OIT3: variants seen among roughly 807,000 people sequenced by gnomAD.
OIT3 encodes the protein oncoprotein induced transcript 3, also known as oncoprotein-induced transcript 3 protein.
In OIT3, 41 loss-of-function variants were observed where a neutral mutation model predicts 52.2. The observed-to-expected ratio is 0.79, with a 90% CI of 0.61 to 1.02. The LOEUF is 1.02. Ranked by LOEUF, OIT3 falls within the 50% of genes least tolerant of loss-of-function variation. The pLI is 0.00. For missense variants in OIT3, 634 were observed against 715.5 expected (o/e 0.89, Z 1.30); for synonymous variants, 244 against 276.9 (o/e 0.88, Z 1.18).
At chr10:72,903,808 T>C (rs1340450201) in intron 3 of OIT3, among the ~76,000 whole-genome samples, 3 of 151,924 alleles carry the variant, frequency 2.0e-5, no homozygotes, top group Non-Finnish European at 2.9e-5. Flanking sequence ...GGGCATAGAG[T>C]ATCTTCACTG....
At chr10:72,911,920 A>G (rs2132936829) in intron 5 of OIT3, 81 bp downstream of exon 5, 1 of 1,328,852 alleles carries the variant, frequency 7.5e-7, no homozygotes, top group South Asian at 1.5e-5. Flanking sequence ...TCCTCCCCCA[A>G]GTGTGTCAGG....
chr10:72,894,448 T>C (rs114970843), intron 1 of OIT3, among the ~76,000 whole-genome samples: 333 of 152,312 alleles, frequency 2.2e-3, no homozygotes, highest in African/African-American at 7.7e-3. Context: ...TAGTAGAATG[T>C]GAGTACTAAC....
intron 8 of OIT3, among the ~76,000 whole-genome samples, chr10:72,930,959 A>G (rs534055994): frequency 6.6e-6 from 1 of 152,308 alleles, no homozygotes; most frequent in East Asian, 1.9e-4. Flanking sequence ...TGATTGGTCA[A>G]ATGGCAAGGG....
intron 4 of OIT3, among the ~76,000 whole-genome samples, chr10:72,907,393 ATT>A (rs1453221136): frequency 1.3e-5 from 2 of 152,196 alleles, no homozygotes; most frequent in Non-Finnish European, 2.9e-5. Context: ...AAGATATTGC[ATT>A]TTTAAACAAG....
Position 72,898,767 on chromosome 10 carries a change from G to A in OIT3, c.165G>A (p.Val55=), listed in dbSNP as rs1589519988. 2 of 1,614,198 alleles carry A rather than the reference G, an allele frequency of 1.2e-6. No homozygotes were observed. The highest frequency in any genetic ancestry group is 1.7e-6 in the Non-Finnish European group (2 of 1,180,034). Residue 55 remains valine, a synonymous_variant, in exon 2 of 9, where the codon GTG becomes GTA. Coordinates refer to ENST00000334011, the MANE Select transcript of OIT3 (RefSeq NM_152635.3). ...SQGPPLCDNH[V]NGEWYHFTGM... Reference sequence around the variant, plus strand: ...GTCCTCCTCTATGTGACAACCATGTGAATGGGGAGTGGTACCACTTCACGG... The same window carrying A: ...GTCCTCCTCTATGTGACAACCATGTAAATGGGGAGTGGTACCACTTCACGG...
chr10:72,895,590 G>A (rs1188953657), intron 1 of OIT3, among the ~76,000 whole-genome samples: 1 of 152,182 alleles, frequency 6.6e-6, no homozygotes, highest in Non-Finnish European at 1.5e-5. Context: ...GAAAGGAGGG[G>A]CACTTCCCGA....
chr10:72,922,016 T>G (rs1392824009), intron 6 of OIT3, among the ~76,000 whole-genome samples: 1 of 152,138 alleles, frequency 6.6e-6, no homozygotes, highest in African/African-American at 2.4e-5. Flanking sequence ...TGGCCCCCAG[T>G]CTCTCCTGGC....
chr10:72,915,398 A>G (rs1183469387), intron 6 of OIT3, among the ~76,000 whole-genome samples: 2 of 152,152 alleles, frequency 1.3e-5, no homozygotes, highest in Non-Finnish European at 2.9e-5. Flanking sequence ...TACTGAAGCT[A>G]ATTTCTTTAG....
intron 4 of OIT3, 144 bp from the exon 5 acceptor site, chr10:72,911,573 T>G: frequency 1.4e-6 from 1 of 729,362 alleles, no homozygotes; most frequent in Non-Finnish European, 2.2e-6. Context: ...AAACATTCCT[T>G]GAGGTCTTGC....
intron 3 of OIT3, among the ~76,000 whole-genome samples, chr10:72,901,995 T>C (rs756277088): frequency 3.9e-5 from 6 of 152,106 alleles, no homozygotes; most frequent in Non-Finnish European, 8.8e-5. Context: ...GCTCTGATTG[T>C]GTCACTGCAC....
intron 6 of OIT3, among the ~76,000 whole-genome samples, chr10:72,914,474 T>C (rs995642983): frequency 6.6e-6 from 1 of 152,208 alleles, no homozygotes; most frequent in Admixed American, 6.5e-5. Context: ...CTGATTCGAC[T>C]TGCAGTGAGA....
chr10:72,895,638 C>T (rs139716902), intron 1 of OIT3, among the ~76,000 whole-genome samples: 1 of 152,282 alleles, frequency 6.6e-6, no homozygotes, highest in Non-Finnish European at 1.5e-5. Context: ...GGCTGTGATT[C>T]AGGGGCGGCT....
intron 6 of OIT3, among the ~76,000 whole-genome samples, chr10:72,921,028 C>T (rs950185784): frequency 6.6e-6 from 1 of 152,206 alleles, no homozygotes; most frequent in Non-Finnish European, 1.5e-5. Context: ...GTGTTAAAGT[C>T]TCCCACTATT....
rs771357317 is a variant in OIT3, at chr10:72,924,511, C to A, written c.1234C>A (p.Leu412Ile). The A allele has an allele frequency of 1.2e-6, 2 of 1,614,220 alleles. No individual in the cohort carries two copies. Among genetic ancestry groups the A allele is most frequent in the Non-Finnish European group, 8.5e-7 (1 of 1,180,044 alleles). ...PYREALPTLK[L>I]RDSLYFGIEP... ...CCGGGAAGCTCTGCCCACCCTCAAGCTTCGTGACTCCCTCTACTTTGGCAT... is the reference window on the plus strand; with the variant it reads ...CCGGGAAGCTCTGCCCACCCTCAAGATTCGTGACTCCCTCTACTTTGGCAT... Residue 412 changes from leucine to isoleucine, a missense_variant, in exon 7 of 9, where the codon CTT becomes ATT. By Grantham distance (5) the Leu-to-Ile change is conservative. Transcript: ENST00000334011.
chr10:72,906,660 C>T lies in OIT3; in HGVS notation c.609C>T (p.Ser203=). 6.2e-7 allele frequency: 1 copy of T among 1,612,664 alleles called. No individual in the cohort carries two copies. The highest frequency in any genetic ancestry group is 8.5e-7 in the Non-Finnish European group (1 of 1,179,244). The change falls in exon 4 of 9, where the codon TCC becomes TCT. Residue 203 remains serine, a synonymous_variant. Transcript: ENST00000334011. ...CSEICVNLKN[S]YRCECGVGRV... Reference sequence around the variant, plus strand: ...AGATCTGTGTGAACCTCAAAAACTCCTACCGCTGTGAGTGTGGGGTTGGCC... The same window carrying T: ...AGATCTGTGTGAACCTCAAAAACTCTTACCGCTGTGAGTGTGGGGTTGGCC...
chr10:72,921,680 T>A (rs990918086), intron 6 of OIT3, among the ~76,000 whole-genome samples: 1 of 151,230 alleles, frequency 6.6e-6, no homozygotes, highest in African/African-American at 2.4e-5. Context: ...TCTTTCTTTT[T>A]TTTTTTTTTT....
intron 6 of OIT3, among the ~76,000 whole-genome samples, chr10:72,914,852 GT>G (rs1846060261): frequency 6.6e-6 from 1 of 152,084 alleles, no homozygotes; most frequent in African/African-American, 2.4e-5. Context: ...TGCCCAAGAA[GT>G]AGTGTGTAAA....
chr10:72,919,189 GTTATT>G (rs1283101018), intron 6 of OIT3, among the ~76,000 whole-genome samples: 1 of 151,952 alleles, frequency 6.6e-6, no homozygotes, highest in Admixed American at 6.6e-5. Context: ...TGTTTTCCTA[GTTATT>G]TTATTCTTTT....
chr10:72,908,884 G>C (rs1314751307), intron 4 of OIT3, among the ~76,000 whole-genome samples: 2 of 150,646 alleles, frequency 1.3e-5, no homozygotes, highest in East Asian at 3.9e-4. Flanking sequence ...TGTTTCTTTA[G>C]CTAAGCTATT....
Sources: allele counts gnomAD v4.1 joint callset (sites outside exome capture counted in the v4.1 genomes callset), GRCh38; gene constraint gnomAD v4.1.1; transcripts MANE v1.5; gene names NCBI Gene and HGNC (gene_info 2026-07-23, HGNC 2026-07-21).